PANK3: variants seen among roughly 807,000 people sequenced by gnomAD.
The protein encoded by PANK3 is pantothenate kinase 3.
In PANK3, 20 loss-of-function variants were observed where a neutral mutation model predicts 39.4. The observed-to-expected ratio is 0.51, with a 90% CI of 0.36 to 0.74. The LOEUF is 0.74. Among genes scored for constraint, PANK3 ranks in the 30% least tolerant of loss-of-function variants. The pLI is 0.00. For synonymous variants in PANK3, 140 were observed against 157.3 expected, an observed-to-expected ratio of 0.89 and a Z score of 0.82; for missense variants, 265 against 437.0, an observed-to-expected ratio of 0.61 and a Z score of 3.51.
intron 4 of PANK3, among the ~76,000 whole-genome samples, chr5:168,561,829 AG>A (rs1759454034): frequency 6.6e-6 from 1 of 152,208 alleles, no homozygotes; most frequent in South Asian, 2.1e-4. Flanking sequence ...TGTTTCCAAA[AG>A]TATCTCAGCT....
Position 168,568,953 on chromosome 5 carries a change from A to C in PANK3, c.74T>G (p.Leu25Arg). Reference protein sequence around the residue: ...GMDIGGTLVKLSYFEPIDITA... With the variant: ...GMDIGGTLVKRSYFEPIDITA... ...GATATCAATAGGTTCAAAGTACGAG[A>C]GCTTTACTAGAGTTCCCCCAATGTC... The change falls in exon 2 of 7, where the codon CTC (leucine) becomes CGC (arginine). Residue 25 changes from leucine to arginine, a missense_variant. Leu to Arg is a moderately radical substitution (Grantham distance 102). This residue lies in a region of PANK3 where 154 missense variants were observed against 256.8 expected (regional missense o/e 0.60). Transcript: ENST00000239231. The C allele has an allele frequency of 2.5e-6, 4 of 1,599,140 alleles. No individual in the cohort carries two copies. Among genetic ancestry groups the C allele is most frequent in the Non-Finnish European group, 3.4e-6 (4 of 1,174,042 alleles).
At position 168,557,345 on chromosome 5, in the gene PANK3, G is replaced by T; in HGVS notation, c.*226C>A. The T allele has an allele frequency of 2.0e-6, 1 of 505,874 alleles. No homozygotes were observed. Among genetic ancestry groups the T allele is most frequent in the South Asian group, 3.1e-5 (1 of 32,280 alleles). The allele number at this position is 505,874 out of a possible 1,614,324, so 31.3% of individuals were successfully genotyped here. A position where few individuals can be genotyped will look rare whatever the true frequency, so the allele number is the denominator to read the frequency against. ...TTTAAGAGGAAGCTCAATAATCAGA[G>T]GCTGTATTGCATTTAAGGATTTAAC... On this transcript the variant is annotated 3_prime_UTR_variant, in exon 7 of 7. Transcript: ENST00000239231.
chr5:168,574,514 C>A (rs1314678924), intron 1 of PANK3, among the ~76,000 whole-genome samples: 1 of 152,092 alleles, frequency 6.6e-6, no homozygotes, highest in Non-Finnish European at 1.5e-5. Flanking sequence ...AGTAAATATA[C>A]AGACATTAAG....
chr5:168,573,803 T>C (rs1396199250), intron 1 of PANK3, among the ~76,000 whole-genome samples: 1 of 151,740 alleles, frequency 6.6e-6, no homozygotes, highest in Non-Finnish European at 1.5e-5. Flanking sequence ...TTACTGAGAA[T>C]GATGATTTCC....
At chr5:168,565,868 A>AAAAAAAATATATATATATAT in intron 3 of PANK3, 145 bp downstream of exon 3, 47 of 131,364 alleles carry the variant, frequency 3.6e-4, no homozygotes, top group African/African-American at 6.8e-4. Context: ...AAAAAAAAAA[A>AAAAAAAATATATATATATAT]ATATATATAT....
In PANK3 at chr5:168,559,177, A is replaced by G; in HGVS notation, c.937-20T>C. Reference sequence around the variant, plus strand: ...TATTTTCTAAAAGAAAAGAACAAAGAAAAAACTTGTAAAAATAATAGATTT... The same window carrying G: ...TATTTTCTAAAAGAAAAGAACAAAGGAAAAACTTGTAAAAATAATAGATTT... On this transcript the variant is annotated intron_variant, in intron 5 of 6. Coordinates refer to ENST00000239231, the MANE Select transcript of PANK3 (RefSeq NM_024594.4). 1 of 1,423,268 alleles carries G rather than the reference A, an allele frequency of 7.0e-7. No individual in the cohort carries two copies. Among genetic ancestry groups the G allele is most frequent in the African/African-American group, 1.5e-5 (1 of 68,748 alleles). 88.2% of individuals were successfully genotyped at this position (1,423,268 alleles called of 1,614,324 possible).
In PANK3 at chr5:168,566,014, T is replaced by C; in HGVS notation, c.634A>G (p.Ser212Gly). The change falls in exon 3 of 7, where the codon AGC becomes GGC. Residue 212 changes from serine (S) to glycine (G), a missense_variant and splice_region_variant. Ser to Gly is a moderately conservative substitution (Grantham distance 56). Coordinates refer to ENST00000239231, the MANE Select transcript of PANK3 (RefSeq NM_024594.4). ...CAATACAACCAAAAAGGTCACTACC[T>C]TGTCCCAGTCACTCGTTTATAGTTG... is the stretch of plus-strand genomic sequence containing the variant. ...KDNYKRVTGTSLGGGTFLGLC... is the reference protein window; with the variant it reads ...KDNYKRVTGTGLGGGTFLGLC... 4 of 1,610,974 alleles carry C rather than the reference T, an allele frequency of 2.5e-6. No individual in the cohort carries two copies. The highest frequency in any genetic ancestry group is 3.4e-6 in the Non-Finnish European group (4 of 1,177,560).
intron 3 of PANK3, among the ~76,000 whole-genome samples, chr5:168,564,477 G>C (rs2113115772): frequency 6.6e-6 from 1 of 152,262 alleles, no homozygotes; most frequent in South Asian, 2.1e-4. Context: ...CTGTCCCTCA[G>C]GCTGGAGTGC....
rs144173342 is a variant in PANK3 at position 168,568,565 on chromosome 5, T to C, written c.381+81A>G. 7.3e-4 allele frequency: 785 copies of C among 1,076,530 alleles called. 5 individuals carry two copies. In the African/African-American group the frequency reaches 0.011, roughly 15 times the overall value. The allele number at this position is 1,076,530 out of a possible 1,614,324, so 66.7% of individuals were successfully genotyped here. Reference sequence around the variant, plus strand: ...TTTCCCACTGCATGTGCAGGGAGAATTAAGGAACATGCTAGATGGAAACCT... The same window carrying C: ...TTTCCCACTGCATGTGCAGGGAGAACTAAGGAACATGCTAGATGGAAACCT... On this transcript the variant is annotated intron_variant, in intron 2 of 6. Transcript: ENST00000239231.
chr5:168,560,987 G>C (rs773420180), intron 5 of PANK3: 46 of 496,746 alleles, frequency 9.3e-5, no homozygotes, highest in Non-Finnish European at 1.7e-4. Flanking sequence ...AAACTTCCAA[G>C]AATTTCACTA....
intron 1 of PANK3, among the ~76,000 whole-genome samples, chr5:168,575,692 G>C (rs1482370095): frequency 6.6e-6 from 1 of 152,048 alleles, no homozygotes; most frequent in Admixed American, 6.6e-5. Flanking sequence ...AGGCTGAGGG[G>C]GGAGGATTGC....
At position 168,568,849 on chromosome 5, in the gene PANK3, A is replaced by G; in HGVS notation, c.178T>C (p.Ser60Pro). ...KYLTSNVAYG[S>P]TGIRDVHLEL... Reference sequence around the variant, plus strand: ...AGGTGTACATCCCGAATGCCGGTGGATCCATATGCCACGTTAGAAGTCAAA... The same window carrying G: ...AGGTGTACATCCCGAATGCCGGTGGGTCCATATGCCACGTTAGAAGTCAAA... The change falls in exon 2 of 7, where the codon TCC (serine) becomes CCC (proline). Residue 60 changes from serine (S) to proline (P), a missense_variant. Coordinates refer to ENST00000239231, the MANE Select transcript of PANK3 (RefSeq NM_024594.4). 6.2e-7 allele frequency: 1 copy of G among 1,613,832 alleles called. No individual in the cohort carries two copies.
intron 1 of PANK3, among the ~76,000 whole-genome samples, chr5:168,570,396 A>AAAAG (rs201726977): frequency 1.1e-3 from 161 of 150,896 alleles, no homozygotes; most frequent in South Asian, 5.4e-3. Context: ...AAAAAAAAAA[A>AAAAG]AAAGAAAGAA....
chr5:168,570,457 G>A (rs887387175), intron 1 of PANK3, among the ~76,000 whole-genome samples: 1 of 151,554 alleles, frequency 6.6e-6, no homozygotes, highest in African/African-American at 2.4e-5. Context: ...AAACAGGAAT[G>A]CATATGAATA....
chr5:168,550,714 A>T lies in PANK3; in HGVS notation c.*6857T>A, dbSNP rs1356407192. On this transcript the variant is annotated 3_prime_UTR_variant, in exon 7 of 7. Coordinates refer to ENST00000239231, the MANE Select transcript of PANK3 (RefSeq NM_024594.4). ...AAGCACTAAATATTAACTCCAAAACATGACACCAAATACCTGAAAAAAAAT... is the reference window on the plus strand; with the variant it reads ...AAGCACTAAATATTAACTCCAAAACTTGACACCAAATACCTGAAAAAAAAT... 6.6e-6 allele frequency: 1 copy of T among 152,188 alleles called. No individual in the cohort carries two copies. The highest frequency in any genetic ancestry group is 1.9e-4 in the East Asian group (1 of 5,200). The allele number at this position is 152,188 out of a possible 1,614,324, so 9.4% of individuals were successfully genotyped here. A position where few individuals can be genotyped will look rare whatever the true frequency, so the allele number is the denominator to read the frequency against.
Position 168,551,261 on chromosome 5 carries a change from A to G in PANK3, c.*6310T>C, listed in dbSNP as rs1759268878. On this transcript the variant is annotated 3_prime_UTR_variant, in exon 7 of 7. Coordinates refer to ENST00000239231, the MANE Select transcript of PANK3 (RefSeq NM_024594.4). The stretch of plus-strand genomic sequence containing the variant: ...GGCTGAATTCCTTAGGTATTAGAAT[A>G]AACATAAACTTGATCATGGATACCT... 1.3e-5 allele frequency: 2 copies of G among 152,216 alleles called. No individual in the cohort carries two copies. Among genetic ancestry groups the G allele is most frequent in the Admixed American group, 6.5e-5 (1 of 15,282 alleles). The allele number at this position is 152,216 out of a possible 1,614,324, so 9.4% of individuals were successfully genotyped here.
intron 3 of PANK3, among the ~76,000 whole-genome samples, chr5:168,564,696 A>G (rs112258981): frequency 6.6e-6 from 1 of 152,172 alleles, no homozygotes; most frequent in African/African-American, 2.4e-5. Context: ...TTGGCCTCCC[A>G]AAGTGTTAGA....
At chr5:168,568,432 A>G (rs952459933) in intron 2 of PANK3, among the ~76,000 whole-genome samples, 1 of 152,206 alleles carries the variant, frequency 6.6e-6, no homozygotes, top group African/African-American at 2.4e-5. Context: ...GCCCTAAACA[A>G]GTTTTACCAA....
intron 4 of PANK3, 31 bp downstream of exon 4, chr5:168,563,858 G>T (rs766160847): frequency 2.6e-6 from 4 of 1,537,626 alleles, no homozygotes; most frequent in Non-Finnish European, 1.8e-6. Context: ...CTTAACTTCT[G>T]TAACTTAAAT....
Sources: gnomAD v4.1 joint callset for allele counts (sites outside exome capture counted in the v4.1 genomes callset) on GRCh38, gnomAD v4.1.1 for gene constraint, gnomAD v4.1.1 regional missense constraint, MANE v1.5 for transcripts, NCBI Gene and HGNC (gene_info 2026-07-23, HGNC 2026-07-21) for gene names.